The following C16orf90 variants were observed in gnomAD, a reference collection of about 807,000 sequenced individuals.
C16orf90 encodes chromosome 16 open reading frame 90.
A neutral mutation model predicts 17.1 loss-of-function variants in C16orf90; 17 were observed. The ratio of observed to expected loss-of-function variants is 1.00; its 90% CI spans 0.68 to 1.49. The LOEUF (loss-of-function observed/expected upper bound fraction) is 1.49, where lower values mean the gene tolerates loss of function less well. C16orf90 is among the 40% of genes most tolerant of loss of function. The pLI is 0.00. For synonymous variants in C16orf90, 108 were observed against 95.8 expected (o/e 1.13, Z -0.75); for missense variants, 255 against 235.5 (o/e 1.08, Z -0.54).
intron 1 of C16orf90, 53 bp from the exon 2 acceptor site, chr16:3,494,930 G>A: frequency 7.5e-7 from 1 of 1,332,946 alleles, no homozygotes; most frequent in Non-Finnish European, 1.0e-6. Flanking sequence ...GCAGCCATGA[G>A]GGGAGGGTGC....
At chr16:3,495,998 G>A (rs1301344996), upstream of C16orf90, among the ~76,000 whole-genome samples, 4 of 152,062 alleles carry the variant, frequency 2.6e-5, no homozygotes, top group Non-Finnish European at 2.9e-5. Flanking sequence ...AAAATTAGCC[G>A]GGCGTCGTGG....
upstream of C16orf90, chr16:3,495,494 G>C (rs2037296934): frequency 6.4e-7 from 1 of 1,570,872 alleles, no homozygotes; most frequent in African/African-American, 1.3e-5. Context: ...CTGCCTAGGG[G>C]GTACATTGGC....
chr16:3,493,739 C>T lies in C16orf90; in HGVS notation c.*100G>A, dbSNP rs1416845059. On this transcript the variant is annotated 3_prime_UTR_variant, in exon 3 of 3. Coordinates refer to ENST00000437192, the MANE Select transcript of C16orf90 (RefSeq NM_001080524.2). ...GCGCTGGGCCGCTGCCTGGGCCACC[C>T]CATGTGGCAGGGCCACTGCCGGGGG... 3 of 1,243,994 alleles carry T rather than the reference C, an allele frequency of 2.4e-6. No individual in the cohort carries two copies. The highest frequency in any genetic ancestry group is 4.9e-5 in the Admixed American group (2 of 40,692). 77.1% of individuals were successfully genotyped at this position (1,243,994 alleles called of 1,614,324 possible). A position where few individuals can be genotyped will look rare whatever the true frequency, so the allele number is the denominator to read the frequency against.
intron 1 of C16orf90, 68 bp downstream of exon 1, chr16:3,495,308 C>A (rs369354498): frequency 6.5e-7 from 1 of 1,540,470 alleles, no homozygotes. Context: ...GGCCACCCCT[C>A]GGCTTTGGGC....
upstream of C16orf90, chr16:3,496,357 G>A (rs1165899482): frequency 1.7e-6 from 2 of 1,145,730 alleles, no homozygotes; most frequent in African/African-American, 3.1e-5. Flanking sequence ...TGAAGAGGTT[G>A]TTTATGAGTC....
Position 3,493,891 on chromosome 16 carries a change from G to A in C16orf90, c.497C>T (p.Ala166Val), listed in dbSNP as rs907682237. Residue 166 changes from alanine to valine, a missense_variant, in exon 3 of 3, where the codon GCC becomes GTC. By Grantham distance (64) the Ala-to-Val change is moderately conservative (BLOSUM62 0). Coordinates refer to ENST00000437192, the MANE Select transcript of C16orf90 (RefSeq NM_001080524.2). ...PKRSWGTWEE[A>V]MCPLCKRTRS... is the part of the protein sequence containing the mutation. Reference sequence around the variant, plus strand: ...GGTTCTCTTGCACAAGGGACACATGGCCTCTTCCCAGGTCCCCCAGGACCT... The same window carrying A: ...GGTTCTCTTGCACAAGGGACACATGACCTCTTCCCAGGTCCCCCAGGACCT... 2.5e-5 allele frequency: 41 copies of A among 1,608,316 alleles called. No individual in the cohort carries two copies. Among genetic ancestry groups the A allele is most frequent in the Non-Finnish European group, 3.5e-5 (41 of 1,177,522 alleles).
chr16:3,495,834 G>A (rs533038613), upstream of C16orf90, among the ~76,000 whole-genome samples: 1 of 152,130 alleles, frequency 6.6e-6, no homozygotes. Flanking sequence ...GGCTGGGGGC[G>A]GTGGCTCATG....
rs532193818 is a variant in C16orf90, at chr16:3,494,032, G to A, written c.401-45C>T. On this transcript the variant is annotated intron_variant, in intron 2 of 2. Coordinates refer to ENST00000437192, the MANE Select transcript of C16orf90 (RefSeq NM_001080524.2). ...AGGAGTCACTTGAGGGACCCAAGGGGAGGCTGGGGGGGAGGCTGGCAGCCC... is the reference window on the plus strand; with the variant it reads ...AGGAGTCACTTGAGGGACCCAAGGGAAGGCTGGGGGGGAGGCTGGCAGCCC... The A allele has an allele frequency of 2.6e-6, 4 of 1,559,134 alleles. No individual in the cohort carries two copies. In the South Asian group the frequency reaches 4.6e-5, roughly 18 times the overall value.
At position 3,493,800 on chromosome 16, in the gene C16orf90, TCCTGCCCCTCCTGTA is replaced by T. The variant is rs1345054518; in HGVS notation, c.*24_*38del. On this transcript the variant is annotated 3_prime_UTR_variant, in exon 3 of 3. Transcript: ENST00000437192. Reference sequence around the variant, plus strand: ...CCTGCTCAGGCTGCCTCCTCGGCCATCCTGCCCCTCCTGTACCCAGTCCTGGCACTCGGGATCCCT... The same window carrying T: ...CCTGCTCAGGCTGCCTCCTCGGCCATCCCAGTCCTGGCACTCGGGATCCCT... The T allele has an allele frequency of 6.4e-7, 1 of 1,554,318 alleles. No individual in the cohort carries two copies. Among genetic ancestry groups the T allele is most frequent in the South Asian group, 1.2e-5 (1 of 85,206 alleles).
At chr16:3,495,730 T>C (rs377448632), upstream of C16orf90, among the ~76,000 whole-genome samples, 1 of 152,090 alleles carries the variant, frequency 6.6e-6, no homozygotes, top group Non-Finnish European at 1.5e-5. Context: ...AGGTGATCTC[T>C]TGGGGCCAGC....
rs545174053 is a variant in C16orf90 at position 3,493,781 on chromosome 16, C to T, written c.*58G>A. ...TGCCGGGGGCCGAGCCCCTCCTGCT[C>T]AGGCTGCCTCCTCGGCCATCCTGCC... On this transcript the variant is annotated 3_prime_UTR_variant, in exon 3 of 3. Transcript: ENST00000437192. The T allele has an allele frequency of 1.5e-5, 23 of 1,521,276 alleles. No homozygotes were observed. In the South Asian group the frequency reaches 2.5e-4, roughly 17 times the overall value. 94.2% of individuals were successfully genotyped at this position (1,521,276 alleles called of 1,614,324 possible). A position where few individuals can be genotyped will look rare whatever the true frequency, so the allele number is the denominator to read the frequency against.
Position 3,493,890 on chromosome 16 carries a change from G to A in C16orf90, c.498C>T (p.Ala166=). The part of the protein sequence containing the change: ...PKRSWGTWEE[A]MCPLCKRTRS... ...GGGTTCTCTTGCACAAGGGACACAT[G>A]GCCTCTTCCCAGGTCCCCCAGGACC... Residue 166 remains alanine (A), a synonymous_variant, in exon 3 of 3, where the codon GCC becomes GCT. Coordinates refer to ENST00000437192, the MANE Select transcript of C16orf90 (RefSeq NM_001080524.2). The A allele has an allele frequency of 6.2e-7, 1 of 1,608,250 alleles. No individual in the cohort carries two copies. Among genetic ancestry groups the A allele is most frequent in the South Asian group, 1.1e-5 (1 of 89,906 alleles).
upstream of C16orf90, chr16:3,496,467 G>A (rs566795176): frequency 4.8e-6 from 4 of 840,660 alleles, no homozygotes; most frequent in African/African-American, 5.2e-5. Context: ...ACGCTTAACG[G>A]ATGACGCGAG....
chr16:3,495,431 G>C lies in C16orf90; in HGVS notation c.-10C>G, dbSNP rs1298408155. ...AGACCAAGGCTTCCATGGAGGGCCA[G>C]TGTGGTGGGGAGGAGCAACCAGGAC... On this transcript the variant is annotated 5_prime_UTR_variant, in exon 1 of 3. Transcript: ENST00000437192. The C allele has an allele frequency of 7.5e-6, 12 of 1,609,388 alleles. No individual in the cohort carries two copies. In the East Asian group the frequency reaches 2.7e-4, roughly 36 times the overall value.
chr16:3,495,198 C>A (rs1164423125), intron 1 of C16orf90, among the ~76,000 whole-genome samples, 178 bp downstream of exon 1: 2 of 152,240 alleles, frequency 1.3e-5, no homozygotes. Flanking sequence ...CTGGTCCCCA[C>A]AGAGAAATTG....
chr16:3,494,979 C>T, intron 1 of C16orf90, 102 bp from the exon 2 acceptor site: 3 of 886,802 alleles, frequency 3.4e-6, no homozygotes, highest in Non-Finnish European at 3.3e-6. Context: ...TGATGGGCTA[C>T]ACCCCCAGCC....
In C16orf90 at chr16:3,495,438, G is replaced by A; in HGVS notation, c.-17C>T. On this transcript the variant is annotated 5_prime_UTR_variant, in exon 1 of 3. Coordinates refer to ENST00000437192, the MANE Select transcript of C16orf90 (RefSeq NM_001080524.2). The stretch of plus-strand genomic sequence containing the variant: ...GGCTTCCATGGAGGGCCAGTGTGGT[G>A]GGGAGGAGCAACCAGGACTTGGGTG... 1 of 1,608,498 alleles carries A rather than the reference G, an allele frequency of 6.2e-7. No homozygotes were observed. Among genetic ancestry groups the A allele is most frequent in the African/African-American group, 1.3e-5 (1 of 75,000 alleles).
At position 3,493,716 on chromosome 16, in the gene C16orf90, G is replaced by GCTGGGCCGCTGC; in HGVS notation, c.*111_*122dup. The GCTGGGCCGCTGC allele has an allele frequency of 1.2e-6, 1 of 861,912 alleles. No homozygotes were observed. Among genetic ancestry groups the GCTGGGCCGCTGC allele is most frequent in the Non-Finnish European group, 1.7e-6 (1 of 576,654 alleles). 53.4% of individuals were successfully genotyped at this position (861,912 alleles called of 1,614,324 possible). A position where few individuals can be genotyped will look rare whatever the true frequency, so the allele number is the denominator to read the frequency against. Reference sequence around the variant, plus strand: ...ATTCTCCCGAGGCCCAGGCCTGGGCGCTGGGCCGCTGCCTGGGCCACCCCA... The same window carrying GCTGGGCCGCTGC: ...ATTCTCCCGAGGCCCAGGCCTGGGCGCTGGGCCGCTGCCTGGGCCGCTGCCTGGGCCACCCCA... On this transcript the variant is annotated 3_prime_UTR_variant, in exon 3 of 3. Coordinates refer to ENST00000437192, the MANE Select transcript of C16orf90 (RefSeq NM_001080524.2).
At chr16:3,495,554 GCCTT>G, upstream of C16orf90, 1 of 1,496,136 alleles carries the variant, frequency 6.7e-7, no homozygotes, top group Non-Finnish European at 8.9e-7. Flanking sequence ...AAGACTCCCA[GCCTT>G]CCTGGACCCC....
Sources: gnomAD v4.1 joint callset for allele counts (sites outside exome capture counted in the v4.1 genomes callset) on GRCh38, gnomAD v4.1.1 for gene constraint, MANE v1.5 for transcripts, NCBI Gene and HGNC (gene_info 2026-07-23, HGNC 2026-07-21) for gene names.